LRRC7: variants seen among roughly 807,000 people sequenced by gnomAD.
LRRC7 encodes the protein leucine rich repeat containing 7.
In LRRC7, 23 loss-of-function variants were observed where a neutral mutation model predicts 175.7. The ratio of observed to expected loss-of-function variants is 0.13; its 90% confidence interval spans 0.09 to 0.19. LRRC7 has a LOEUF of 0.19. Ranked by LOEUF, LRRC7 falls within the 10% of genes least tolerant of loss-of-function variation. The pLI is 1.00. For missense variants in LRRC7, 1,354 were observed against 1,904.7 expected (o/e 0.71, Z 5.38); for synonymous variants, 685 against 680.9 (o/e 1.01, Z -0.09).
chr1:69,615,418 C>T (rs1214068680), intron 1 of LRRC7, among the ~76,000 whole-genome samples: 4 of 151,886 alleles, frequency 2.6e-5, no homozygotes, highest in African/African-American at 9.7e-5. Flanking sequence ...TGTCTTCTCC[C>T]TTCTCATGTT....
At chr1:70,095,780 T>C (rs1664342394) in intron 25 of LRRC7, among the ~76,000 whole-genome samples, 1 of 152,190 alleles carries the variant, frequency 6.6e-6, no homozygotes, top group Non-Finnish European at 1.5e-5. Context: ...AATAAATGCA[T>C]ATATGTGTAC....
At chr1:69,906,274 T>C (rs1334438176) in intron 7 of LRRC7, among the ~76,000 whole-genome samples, 1 of 152,198 alleles carries the variant, frequency 6.6e-6, no homozygotes, top group Non-Finnish European at 1.5e-5. Context: ...TTAGATCCCA[T>C]TTGTCAATTT....
chr1:69,709,783 G>C (rs1664510986), intron 2 of LRRC7, among the ~76,000 whole-genome samples: 1 of 152,134 alleles, frequency 6.6e-6, no homozygotes, highest in Non-Finnish European at 1.5e-5. Context: ...GAAATATTGA[G>C]TATGAGTTAT....
At chr1:69,978,287 G>A (rs776609820) in intron 8 of LRRC7, among the ~76,000 whole-genome samples, 5 of 149,032 alleles carry the variant, frequency 3.4e-5, no homozygotes, top group South Asian at 4.4e-4. Flanking sequence ...CGTCGTCTGC[G>A]AGGAGAGGAG....
At chr1:69,819,428 A>G (rs1678973550) in intron 4 of LRRC7, among the ~76,000 whole-genome samples, 1 of 152,060 alleles carries the variant, frequency 6.6e-6, no homozygotes, top group Admixed American at 6.6e-5. Context: ...TTGAAAAGAT[A>G]CTTGATATTA....
rs188633682 is a variant in LRRC7, at chr1:69,749,806, G to A, written c.101-10385G>A. On this transcript the variant is annotated intron_variant, in intron 2 of 26. Coordinates refer to ENST00000651989, the MANE Select transcript of LRRC7 (RefSeq NM_001370785.2). ...GTAGAAAACTGAAAAGTTCACGCCT[G>A]TAATCCCAGCACTTTGGGAGGCTGA... is the stretch of plus-strand genomic sequence containing the variant. 2.2e-3 allele frequency among the ~76,000 whole-genome samples: 332 copies of A among 152,124 alleles called. 5 individuals carry two copies. The highest frequency in any genetic ancestry group is 1.8e-3 in the Non-Finnish European group (120 of 67,998).
At chr1:70,074,305 G>GA (rs1558046857) in intron 23 of LRRC7, among the ~76,000 whole-genome samples, 2 of 151,530 alleles carry the variant, frequency 1.3e-5, no homozygotes, top group South Asian at 2.1e-4. Context: ...ACACCCTCTG[G>GA]AAAAAAAAGA....
At chr1:69,905,249 C>CTTT (rs1317366859) in intron 7 of LRRC7, among the ~76,000 whole-genome samples, 3 of 128,950 alleles carry the variant, frequency 2.3e-5, no homozygotes, top group East Asian at 5.3e-4. Flanking sequence ...GTTGTAAGTT[C>CTTT]TTTTTATTAT....
At chr1:69,754,661 C>G (rs1419930662) in intron 2 of LRRC7, among the ~76,000 whole-genome samples, 2 of 152,004 alleles carry the variant, frequency 1.3e-5, no homozygotes, top group Admixed American at 1.3e-4. Flanking sequence ...GTCACATAGT[C>G]AGGCAGTTTG....
intron 2 of LRRC7, among the ~76,000 whole-genome samples, chr1:69,715,809 AT>A (rs1465767586): frequency 6.6e-6 from 1 of 152,022 alleles, no homozygotes; most frequent in Non-Finnish European, 1.5e-5. Flanking sequence ...TACATTTTAC[AT>A]TTATTATTTA....
Position 69,636,424 on chromosome 1 carries a change from G to GACACAC in LRRC7, c.3-41941_3-41936dup, listed in dbSNP as rs55772671. ...CCAGAGGATTTTACATCCAGGCACAGACACACACACACACACACACAGAGA... is the reference window on the plus strand; with the variant it reads ...CCAGAGGATTTTACATCCAGGCACAGACACACACACACACACACACACACACAGAGA... On this transcript the variant is annotated intron_variant, in intron 1 of 26. Transcript: ENST00000651989. 2.0e-3 allele frequency among the ~76,000 whole-genome samples: 297 copies of GACACAC among 150,700 alleles called. 1 individual carries two copies. Among genetic ancestry groups the GACACAC allele is most frequent in the Middle Eastern group, 6.8e-3 (2 of 292 alleles).
intron 26 of LRRC7, among the ~76,000 whole-genome samples, chr1:70,114,816 TGAA>T (rs1276787871): frequency 6.6e-6 from 1 of 152,192 alleles, no homozygotes; most frequent in Non-Finnish European, 1.5e-5. Context: ...AAATGCTTTT[TGAA>T]AATCAAAAAA....
intron 1 of LRRC7, among the ~76,000 whole-genome samples, chr1:69,671,307 A>G (rs1659040106): frequency 6.6e-6 from 1 of 152,084 alleles, no homozygotes; most frequent in African/African-American, 2.4e-5. Flanking sequence ...TAGGGCCTGG[A>G]AAGGGTGCCT....
chr1:69,781,910 AAAG>A (rs1225707471), intron 3 of LRRC7, among the ~76,000 whole-genome samples: 6 of 108,148 alleles, frequency 5.5e-5, no homozygotes, highest in South Asian at 2.8e-4. Context: ...AAAGAAAGAA[AAAG>A]AAGAAAGAAA....
chr1:70,012,928 G>A lies in LRRC7; in HGVS notation c.1135-46G>A, dbSNP rs772145420. 36 of 939,828 alleles carry A rather than the reference G, an allele frequency of 3.8e-5. No homozygotes were observed. The African/African-American group carries it at 4.5e-4, about 12-fold the overall frequency. The allele number at this position is 939,828 out of a possible 1,614,324, so 58.2% of individuals were successfully genotyped here. A position where few individuals can be genotyped will look rare whatever the true frequency, so the allele number is the denominator to read the frequency against. On this transcript the variant is annotated intron_variant, in intron 12 of 26. Coordinates refer to ENST00000651989, the MANE Select transcript of LRRC7 (RefSeq NM_001370785.2). ...AATTAGAAAAATTAATATAAAAATA[G>A]TATTGTGGTCTGATTTTTTTACCTA... is the stretch of plus-strand genomic sequence containing the variant.
At chr1:69,699,375 A>G (rs1176812461) in intron 2 of LRRC7, among the ~76,000 whole-genome samples, 1 of 151,988 alleles carries the variant, frequency 6.6e-6, no homozygotes, top group Non-Finnish European at 1.5e-5. Flanking sequence ...CCCCATCTCT[A>G]CTAAAAGTAC....
At chr1:69,876,164 G>A (rs1686026747) in intron 7 of LRRC7, among the ~76,000 whole-genome samples, 1 of 152,022 alleles carries the variant, frequency 6.6e-6, no homozygotes, top group African/African-American at 2.4e-5. Flanking sequence ...ACTTTGTTAA[G>A]AATTTCATAA....
intron 7 of LRRC7, among the ~76,000 whole-genome samples, chr1:69,877,309 C>T (rs771770637): frequency 3.9e-5 from 6 of 152,084 alleles, no homozygotes; most frequent in Non-Finnish European, 8.8e-5. Flanking sequence ...CACTCTGGGC[C>T]AAGTGTAGTG....
At chr1:69,673,643 G>A (rs1204252203) in intron 1 of LRRC7, among the ~76,000 whole-genome samples, 1 of 152,154 alleles carries the variant, frequency 6.6e-6, no homozygotes, top group East Asian at 1.9e-4. Flanking sequence ...AACCAGAAGT[G>A]TAATCTTGAG....
Sources: gnomAD v4.1 joint callset for allele counts (sites outside exome capture counted in the v4.1 genomes callset) on GRCh38, gnomAD v4.1.1 for gene constraint, MANE v1.5 for transcripts, NCBI Gene and HGNC (gene_info 2026-07-23, HGNC 2026-07-21) for gene names.